The following DDX10 variants were observed in gnomAD, a reference collection of about 807,000 sequenced individuals.
DDX10 encodes DEAD-box helicase 10, also known as probable ATP-dependent RNA helicase DDX10.
Under a neutral mutation model 104.3 loss-of-function variants are expected in DDX10, and 74 were observed. The ratio of observed to expected loss-of-function variants is 0.71; its 90% CI spans 0.59 to 0.86. The LOEUF (loss-of-function observed/expected upper bound fraction) is 0.86, where lower values mean the gene tolerates loss of function less well. DDX10 is among the 40% of genes least tolerant of loss of function. DDX10 has a pLI of 0.00. For missense variants in DDX10, 952 were observed against 1,040.0 expected (o/e 0.92, Z 1.16); for synonymous variants, 351 against 353.4 (o/e 0.99, Z 0.08).
chr11:108,843,841 A>G (rs895573645), intron 15 of DDX10, among the ~76,000 whole-genome samples: 1 of 152,112 alleles, frequency 6.6e-6, no homozygotes, highest in Non-Finnish European at 1.5e-5. Flanking sequence ...ATAGCTAACT[A>G]CTTTTAATTT....
chr11:108,716,685 G>C (rs879799312), intron 11 of DDX10, among the ~76,000 whole-genome samples: 1 of 152,168 alleles, frequency 6.6e-6, no homozygotes, highest in Non-Finnish European at 1.5e-5. Flanking sequence ...TTAGGAATGA[G>C]ATTTTAACTT....
intron 13 of DDX10, among the ~76,000 whole-genome samples, chr11:108,777,613 A>G (rs1029801438): frequency 1.3e-5 from 2 of 152,130 alleles, no homozygotes; most frequent in African/African-American, 4.8e-5. Flanking sequence ...GTGAGCCACC[A>G]TGTCTGGCCA....
intron 3 of DDX10, 127 bp downstream of exon 3, chr11:108,675,853 T>G: frequency 1.0e-5 from 12 of 1,202,658 alleles, no homozygotes; most frequent in African/African-American, 4.6e-5. Context: ...GAATGCGAGC[T>G]TCATCAAACA....
intron 13 of DDX10, among the ~76,000 whole-genome samples, chr11:108,810,804 T>C (rs1427794482): frequency 1.3e-5 from 2 of 152,216 alleles, no homozygotes; most frequent in East Asian, 1.9e-4. Context: ...CATAATGTTA[T>C]AACCTTAGAG....
intron 2 of DDX10, among the ~76,000 whole-genome samples, chr11:108,674,705 G>A (rs2094221662): frequency 6.6e-6 from 1 of 152,014 alleles, no homozygotes; most frequent in South Asian, 2.1e-4. Context: ...TAGAGATAGA[G>A]TTTTGCCATG....
chr11:108,762,800 T>G (rs1338151814), intron 13 of DDX10, among the ~76,000 whole-genome samples: 1 of 152,188 alleles, frequency 6.6e-6, no homozygotes, highest in Non-Finnish European at 1.5e-5. Flanking sequence ...CACATCCCCA[T>G]GGAGAGTGCT....
chr11:108,926,728 G>C (rs1231281792), intron 17 of DDX10, among the ~76,000 whole-genome samples: 1 of 152,138 alleles, frequency 6.6e-6, no homozygotes, highest in Non-Finnish European at 1.5e-5. Flanking sequence ...TCTTCATTAG[G>C]ACTGTTGCAT....
intron 13 of DDX10, among the ~76,000 whole-genome samples, chr11:108,791,421 G>T (rs1317010091): frequency 6.6e-6 from 1 of 152,180 alleles, no homozygotes; most frequent in Non-Finnish European, 1.5e-5. Context: ...GTGATTATTT[G>T]TATTCAGAGC....
intron 6 of DDX10, among the ~76,000 whole-genome samples, chr11:108,687,963 CA>C (rs1367496147): frequency 6.6e-6 from 1 of 152,116 alleles, no homozygotes; most frequent in Non-Finnish European, 1.5e-5. Flanking sequence ...TAAATAGTAC[CA>C]AACTATCTGT....
intron 13 of DDX10, among the ~76,000 whole-genome samples, chr11:108,808,982 G>A (rs1565285433): frequency 6.6e-6 from 1 of 151,884 alleles, no homozygotes. Flanking sequence ...GGAATGCAAA[G>A]GTTTTGACTT....
At chr11:108,921,654 A>G (rs1863827659) in intron 17 of DDX10, 1 of 152,228 alleles carries the variant, frequency 6.6e-6, no homozygotes, top group African/African-American at 2.4e-5. Context: ...TAGATAGACC[A>G]ATTGGAAAGT....
intron 13 of DDX10, among the ~76,000 whole-genome samples, chr11:108,825,770 A>G (rs1862387638): frequency 6.6e-6 from 1 of 152,238 alleles, no homozygotes; most frequent in South Asian, 2.1e-4. Context: ...CAAGGAAAAT[A>G]GTAGTGCATG....
intron 13 of DDX10, among the ~76,000 whole-genome samples, chr11:108,782,230 C>G (rs1243069952): frequency 2.0e-5 from 3 of 152,158 alleles, no homozygotes; most frequent in Non-Finnish European, 4.4e-5. Context: ...GTAGTTCCCA[C>G]AGGCAGTTCT....
At chr11:108,820,186 G>C (rs74681662) in intron 13 of DDX10, among the ~76,000 whole-genome samples, 2 of 152,140 alleles carry the variant, frequency 1.3e-5, no homozygotes, top group African/African-American at 2.4e-5. Flanking sequence ...AACATCTAGC[G>C]TGGTGTTTGG....
In DDX10 at chr11:108,852,142, C is replaced by T. The variant is rs761712887; in HGVS notation, c.2248-11C>T. The T allele has an allele frequency of 3.7e-6, 6 of 1,605,706 alleles. No individual in the cohort carries two copies. The highest frequency in any genetic ancestry group is 5.1e-6 in the Non-Finnish European group (6 of 1,175,186). On this transcript the variant is annotated splice_polypyrimidine_tract_variant and intron_variant, in intron 15 of 17. Transcript: ENST00000322536. ...TATGCTGCTAATTTTTCTCCTCTTC[C>T]TTGTCTCCAGGAGAAAAGACTGAAA...
chr11:108,758,740 T>A (rs1232212385), intron 13 of DDX10, among the ~76,000 whole-genome samples: 1 of 152,102 alleles, frequency 6.6e-6, no homozygotes, highest in Non-Finnish European at 1.5e-5. Flanking sequence ...TTTCCACTTT[T>A]AAGGATCCTT....
At chr11:108,683,297 G>A (rs2094238110) in intron 6 of DDX10, among the ~76,000 whole-genome samples, 1 of 152,112 alleles carries the variant, frequency 6.6e-6, no homozygotes, top group Non-Finnish European at 1.5e-5. Flanking sequence ...TTAGGGGTTG[G>A]CATGTTCCTC....
intron 13 of DDX10, among the ~76,000 whole-genome samples, chr11:108,760,793 A>C (rs1199291487): frequency 6.6e-6 from 1 of 151,644 alleles, no homozygotes; most frequent in East Asian, 1.9e-4. Context: ...AAAAGCCTAG[A>C]GTTTAGAAAT....
chr11:108,923,113 G>T (rs1260510512), intron 17 of DDX10, among the ~76,000 whole-genome samples: 1 of 152,192 alleles, frequency 6.6e-6, no homozygotes, highest in Non-Finnish European at 1.5e-5. Flanking sequence ...AGAATTAATA[G>T]ATGTTAGGAT....
Sources: gnomAD v4.1 joint callset for allele counts (sites outside exome capture counted in the v4.1 genomes callset) on GRCh38, gnomAD v4.1.1 for gene constraint, MANE v1.5 for transcripts, NCBI Gene and HGNC (gene_info 2026-07-23, HGNC 2026-07-21) for gene names.